Variants in PRKN observed in about 807,000 individuals in gnomAD.
The protein encoded by PRKN is E3 ubiquitin-protein ligase parkin.
PRKN carries 56 observed loss-of-function variants against 59.5 expected under a neutral mutation model. That is an observed-to-expected ratio of 0.94 (90% CI 0.76 to 1.18). The LOEUF is 1.18. Among genes scored for constraint, PRKN ranks in the 50% most tolerant of loss-of-function variants. The pLI is 0.00. For synonymous variants in PRKN, 250 were observed against 222.1 expected, an observed-to-expected ratio of 1.13 and a Z score of -1.12; for missense variants, 657 against 596.4, an observed-to-expected ratio of 1.10 and a Z score of -1.06.
chr6:161,653,276 A>G (rs150663794), intron 7 of PRKN, among the ~76,000 whole-genome samples: 5,438 of 152,236 alleles, frequency 0.036, 164 homozygotes, highest in South Asian at 0.082. Flanking sequence ...AGGCAGGAGA[A>G]TTGCTTGAAC....
intron 6 of PRKN, among the ~76,000 whole-genome samples, chr6:161,952,543 C>G (rs1044525548): frequency 1.3e-5 from 2 of 152,164 alleles, no homozygotes; most frequent in African/African-American, 4.8e-5. Context: ...CACCTGCACC[C>G]AGGAGGCAGA....
Position 161,409,292 on chromosome 6 carries a change from A to G in PRKN, c.1084-22415T>C, listed in dbSNP as rs908944443. Among the ~76,000 whole-genome samples the G allele has an allele frequency of 2.6e-5, 4 of 152,170 alleles. No individual in the cohort carries two copies. The highest frequency in any genetic ancestry group is 9.7e-5 in the African/African-American group (4 of 41,428). On this transcript the variant is annotated intron_variant, in intron 9 of 11. Coordinates refer to ENST00000366898, the MANE Select transcript of PRKN (RefSeq NM_004562.3). The surrounding 1 kb of genome is among the most constrained non-coding windows in gnomAD (Gnocchi z 4.6). ...GTGGTAATGGTTGAGAATACTCTTC[A>G]TTACTACAAGCATTTTGGACAGAAA...
intron 1 of PRKN, chr6:162,624,336 C>A (rs1174817180): frequency 6.6e-6 from 1 of 151,724 alleles, no homozygotes; most frequent in Non-Finnish European, 1.5e-5. Context: ...TTAAAATTTA[C>A]AAGTATAGAT....
rs772086045 is a variant in PRKN at position 161,466,993 on chromosome 6, G to A, written c.1084-80116C>T. On this transcript the variant is annotated intron_variant, in intron 9 of 11. Transcript: ENST00000366898. The surrounding 1 kb of genome is among the most constrained non-coding windows in gnomAD (Gnocchi z 5.0). ...TCAAGAGGTTCCTGTCTAGATTCGC[G>A]TCCTTATATACAAGCCAACTTCTCT... Among the ~76,000 whole-genome samples, 4 of 152,108 alleles carry A rather than the reference G, an allele frequency of 2.6e-5. No homozygotes were observed. The highest frequency in any genetic ancestry group is 7.2e-5 in the African/African-American group (3 of 41,412).
At chr6:162,116,098 T>C (rs980360359) in intron 4 of PRKN, among the ~76,000 whole-genome samples, 1 of 152,186 alleles carries the variant, frequency 6.6e-6, no homozygotes, top group Non-Finnish European at 1.5e-5. Flanking sequence ...TCAGCAAACT[T>C]CATGGGCTGA....
intron 4 of PRKN, among the ~76,000 whole-genome samples, chr6:162,092,165 C>A (rs1383486715): frequency 2.6e-5 from 4 of 152,028 alleles, no homozygotes; most frequent in Admixed American, 2.6e-4. Context: ...GACCAGATTG[C>A]CAACATGGCG....
intron 1 of PRKN, among the ~76,000 whole-genome samples, chr6:162,717,397 C>T (rs1040783976): frequency 6.6e-6 from 1 of 151,900 alleles, no homozygotes; most frequent in East Asian, 1.9e-4. Context: ...GGCAACATAG[C>T]AAGATCCTGT....
At chr6:161,640,286 A>G (rs896029300) in intron 7 of PRKN, among the ~76,000 whole-genome samples, 2 of 152,186 alleles carry the variant, frequency 1.3e-5, no homozygotes, top group Non-Finnish European at 2.9e-5. Context: ...AAGCTATTAT[A>G]CGTCTTAAAA....
At chr6:161,996,117 G>T (rs1781830059) in intron 5 of PRKN, among the ~76,000 whole-genome samples, 1 of 152,060 alleles carries the variant, frequency 6.6e-6, no homozygotes, top group Admixed American at 6.6e-5. Context: ...AATAGGTCAA[G>T]ATATGGAGTC....
intron 1 of PRKN, among the ~76,000 whole-genome samples, chr6:162,690,468 C>A (rs1313149870): frequency 6.6e-6 from 1 of 152,112 alleles, no homozygotes; most frequent in African/African-American, 2.4e-5. Context: ...CAAGGGAAAG[C>A]GGTAGCTTTC....
rs1271970674 is a variant in PRKN at position 161,353,361 on chromosome 6, C to T, written c.1286-3150G>A. Reference sequence around the variant, plus strand: ...CAGGGAGGCCAAGAAGAATCTAGACCGGCAGGCCTTGCAGGGTCTCCCCAC... The same window carrying T: ...CAGGGAGGCCAAGAAGAATCTAGACTGGCAGGCCTTGCAGGGTCTCCCCAC... On this transcript the variant is annotated intron_variant, in intron 11 of 11. Transcript: ENST00000366898. This position sits in a 1 kb window ranked among gnomAD's most constrained non-coding sequence, Gnocchi z 4.8. Among the ~76,000 whole-genome samples the T allele has an allele frequency of 6.6e-6, 1 of 152,098 alleles. No individual in the cohort carries two copies. Among genetic ancestry groups the T allele is most frequent in the Non-Finnish European group, 1.5e-5 (1 of 68,004 alleles).
chr6:161,768,483 G>C (rs1789524777), intron 7 of PRKN, among the ~76,000 whole-genome samples: 1 of 151,918 alleles, frequency 6.6e-6, no homozygotes, highest in African/African-American at 2.4e-5. Flanking sequence ...AATTGATTAT[G>C]AATACCAATA....
At chr6:162,588,929 C>A (rs111253067) in intron 1 of PRKN, among the ~76,000 whole-genome samples, 2 of 152,092 alleles carry the variant, frequency 1.3e-5, no homozygotes, top group Admixed American at 6.6e-5. Flanking sequence ...ACGGTGGGTG[C>A]GCAGTAAGTT....
rs1265103447 is a variant in PRKN, at chr6:161,400,517, T to C, written c.1084-13640A>G. On this transcript the variant is annotated intron_variant, in intron 9 of 11. Coordinates refer to ENST00000366898, the MANE Select transcript of PRKN (RefSeq NM_004562.3). This position sits in a 1 kb window ranked among gnomAD's most constrained non-coding sequence, Gnocchi z 4.2. ...GAGACGGGGTTTCGCTTTCGCCATA[T>C]TGGCCAGGCTGGTCTCAAACCCCTG... Among the ~76,000 whole-genome samples the C allele has an allele frequency of 6.6e-6, 1 of 152,038 alleles. No individual in the cohort carries two copies. Among genetic ancestry groups the C allele is most frequent in the Non-Finnish European group, 1.5e-5 (1 of 68,006 alleles).
At chr6:161,986,946 A>G (rs1433927732) in intron 5 of PRKN, among the ~76,000 whole-genome samples, 1 of 152,240 alleles carries the variant, frequency 6.6e-6, no homozygotes, top group East Asian at 1.9e-4. Flanking sequence ...ATAAAAAAAC[A>G]GCCTAGCTTT....
intron 4 of PRKN, among the ~76,000 whole-genome samples, chr6:162,106,485 A>G (rs990350542): frequency 6.6e-6 from 1 of 151,404 alleles, no homozygotes; most frequent in African/African-American, 2.5e-5. Context: ...TAATACAACC[A>G]AGCAGTTGAA....
intron 4 of PRKN, among the ~76,000 whole-genome samples, chr6:162,057,297 T>G (rs1034846747): frequency 1.3e-5 from 2 of 152,188 alleles, no homozygotes; most frequent in African/African-American, 2.4e-5. Flanking sequence ...TTAATTATGA[T>G]TATGTAACCA....
At chr6:162,345,224 C>T (rs76664785) in intron 2 of PRKN, among the ~76,000 whole-genome samples, 3,747 of 152,254 alleles carry the variant, frequency 0.025, 151 homozygotes, top group African/African-American at 0.085. Flanking sequence ...AGATAAATCA[C>T]GGCACTTTCT....
At chr6:162,214,318 G>A (rs949278051) in intron 3 of PRKN, among the ~76,000 whole-genome samples, 1 of 152,074 alleles carries the variant, frequency 6.6e-6, no homozygotes, top group Non-Finnish European at 1.5e-5. Context: ...CAGCAGAATC[G>A]TGGTTTCCCT....
Sources: allele counts gnomAD v4.1 joint callset (sites outside exome capture counted in the v4.1 genomes callset), GRCh38; gene constraint gnomAD v4.1.1; non-coding constraint Gnocchi (gnomAD v3.1); transcripts MANE v1.5; gene names NCBI Gene and HGNC (gene_info 2026-07-23, HGNC 2026-07-21).